The following SLC12A3 variants were observed in gnomAD, a reference collection of about 807,000 sequenced individuals.
SLC12A3 encodes Na-Cl cotransporter.
A neutral mutation model predicts 121.0 loss-of-function variants in SLC12A3; 104 were observed. That is an observed-to-expected ratio of 0.86 (90% CI 0.73 to 1.01). The LOEUF is 1.01. Ranked by LOEUF, SLC12A3 falls within the 50% of genes least tolerant of loss-of-function variation. The pLI is 0.00. For missense variants in SLC12A3, 1,328 were observed against 1,356.3 expected (o/e 0.98, Z 0.33); for synonymous variants, 536 against 533.4 (o/e 1.00, Z -0.07).
chr16:56,876,894 C>T (rs1210647285), intron 8 of SLC12A3, among the ~76,000 whole-genome samples: 2 of 152,194 alleles, frequency 1.3e-5, no homozygotes, highest in Non-Finnish European at 2.9e-5. Context: ...TGTTGCTGCA[C>T]CCAGGATCAG....
At chr16:56,912,988 G>A (rs146021717) in intron 25 of SLC12A3, among the ~76,000 whole-genome samples, 231 of 152,282 alleles carry the variant, frequency 1.5e-3, no homozygotes, top group East Asian at 0.012. Context: ...CATCGGGGGT[G>A]AGCAAGGCGA....
At chr16:56,867,435 C>T (rs1157378647) in intron 2 of SLC12A3, among the ~76,000 whole-genome samples, 2 of 152,158 alleles carry the variant, frequency 1.3e-5, no homozygotes, top group Non-Finnish European at 2.9e-5. Context: ...CAGGGGGCTG[C>T]ACTAAACACA....
intron 8 of SLC12A3, among the ~76,000 whole-genome samples, chr16:56,877,775 G>A (rs1378118897): frequency 3.9e-5 from 6 of 152,180 alleles, no homozygotes; most frequent in East Asian, 1.9e-4. Flanking sequence ...CCTCTGTGGC[G>A]CAGGCGTGGA....
In SLC12A3 at chr16:56,884,065, C is replaced by G; in HGVS notation, c.1686C>G (p.Phe562Leu). ...ITNSPGWRPS[F>L]QYYNKWAALF... ...TTGGCCCAGGGTGGAGACCTTCATTCCAATACTACAACAAGTGGGCGGCGC... is the reference window on the plus strand; with the variant it reads ...TTGGCCCAGGGTGGAGACCTTCATTGCAATACTACAACAAGTGGGCGGCGC... The change falls in exon 14 of 26, where the codon TTC (phenylalanine) becomes TTG (leucine). Residue 562 changes from phenylalanine to leucine, a missense_variant. By Grantham distance (22) the Phe-to-Leu change is conservative. Coordinates refer to ENST00000563236, the MANE Select transcript of SLC12A3 (RefSeq NM_001126108.2). 6.2e-7 allele frequency: 1 copy of G among 1,614,216 alleles called. No homozygotes were observed. Among genetic ancestry groups the G allele is most frequent in the East Asian group, 2.2e-5 (1 of 44,886 alleles).
intron 23 of SLC12A3, among the ~76,000 whole-genome samples, chr16:56,901,054 CCT>C (rs80015358): frequency 0.097 from 14,724 of 151,922 alleles, 888 homozygotes; most frequent in Middle Eastern, 0.17. Flanking sequence ...CCCACAGAGT[CCT>C]CTCTCTCTCT....
chr16:56,899,715 G>T (rs986054713), intron 23 of SLC12A3, 99 bp downstream of exon 23: 1 of 868,506 alleles, frequency 1.2e-6, no homozygotes, highest in East Asian at 2.4e-5. Flanking sequence ...CTAGGAGCAA[G>T]GGTCTCTCCT....
chr16:56,886,214 G>T, intron 15 of SLC12A3, 150 bp from the exon 16 acceptor site: 1 of 624,388 alleles, frequency 1.6e-6, no homozygotes, highest in South Asian at 1.9e-5. Context: ...AAGTCACCCT[G>T]GATTTATAGG....
intron 1 of SLC12A3, among the ~76,000 whole-genome samples, chr16:56,865,737 A>G (rs559351356): frequency 1.1e-4 from 17 of 152,310 alleles, no homozygotes; most frequent in Non-Finnish European, 2.2e-4. Context: ...CTAGAGTGGG[A>G]GGCCTAGAGA....
chr16:56,867,461 G>GT (rs1366321086), intron 2 of SLC12A3, among the ~76,000 whole-genome samples: 2 of 152,212 alleles, frequency 1.3e-5, no homozygotes, highest in African/African-American at 4.8e-5. Context: ...CCGTAAATGT[G>GT]TTTTTCTCCT....
rs34001750 is a variant in SLC12A3, at chr16:56,882,048, CA to C, written c.1568-333del. On this transcript the variant is annotated intron_variant, in intron 12 of 25. Coordinates refer to ENST00000563236, the MANE Select transcript of SLC12A3 (RefSeq NM_001126108.2). Reference sequence around the variant, plus strand: ...TGGGTGACAGAGCGAGAGTCCGTCTCAAAAAAAAAAAAAAAGAAAAGTATTT... The same window carrying C: ...TGGGTGACAGAGCGAGAGTCCGTCTCAAAAAAAAAAAAAAGAAAAGTATTT... 0.36 allele frequency among the ~76,000 whole-genome samples: 45,390 copies of C among 127,044 alleles called. 7,448 individuals are homozygous for C. Among genetic ancestry groups the C allele is most frequent in the East Asian group, 0.56 (2,520 of 4,468 alleles). 83.3% of individuals were successfully genotyped at this position (127,044 alleles called of 152,430 possible). A position where few individuals can be genotyped will look rare whatever the true frequency, so the allele number is the denominator to read the frequency against.
chr16:56,887,798 A>ATT (rs1211988197), intron 17 of SLC12A3, 127 bp from the exon 18 acceptor site: 872 of 68,534 alleles, frequency 0.013, 67 homozygotes, highest in Non-Finnish European at 0.019. Flanking sequence ...ATATATATAT[A>ATT]TTTTTTTTTT....
intron 18 of SLC12A3, among the ~76,000 whole-genome samples, chr16:56,888,312 A>G (rs2055345979): frequency 6.6e-6 from 1 of 152,160 alleles, no homozygotes; most frequent in Non-Finnish European, 1.5e-5. Flanking sequence ...TCTCAAAGCT[A>G]AAGAAGAAAC....
chr16:56,899,259 A>G lies in SLC12A3; in HGVS notation c.2634-271A>G, dbSNP rs140070072. 1.4e-4 allele frequency among the ~76,000 whole-genome samples: 20 copies of G among 144,212 alleles called. No individual in the cohort carries two copies. In the East Asian group the frequency reaches 3.5e-3, roughly 25 times the overall value. 94.6% of individuals were successfully genotyped at this position (144,212 alleles called of 152,430 possible). A position where few individuals can be genotyped will look rare whatever the true frequency, so the allele number is the denominator to read the frequency against. On this transcript the variant is annotated intron_variant, in intron 22 of 25. Transcript: ENST00000563236. ...GCTGGGCATGGTGGCTCCAGCCTAT[A>G]ATGCCAGCACTTTGGGAGGCCGAGG...
intron 21 of SLC12A3, among the ~76,000 whole-genome samples, chr16:56,893,881 G>A (rs887410427): frequency 4.6e-5 from 7 of 152,088 alleles, no homozygotes; most frequent in East Asian, 1.9e-4. Flanking sequence ...GGGTTCAAGC[G>A]ATTCTCCTGC....
In SLC12A3 at chr16:56,899,200, G is replaced by C. The variant is rs567674528; in HGVS notation, c.2634-330G>C. Among the ~76,000 whole-genome samples the C allele has an allele frequency of 2.0e-5, 3 of 152,300 alleles. No individual in the cohort carries two copies. In the East Asian group the frequency reaches 5.8e-4, roughly 29 times the overall value. ...GTCAGTAGGTGCTCAGTGAAAATTA[G>C]TTGAATGAATAAATACATTTTTAAA... On this transcript the variant is annotated intron_variant, in intron 22 of 25. Coordinates refer to ENST00000563236, the MANE Select transcript of SLC12A3 (RefSeq NM_001126108.2).
At chr16:56,897,886 C>T in intron 22 of SLC12A3, among the ~76,000 whole-genome samples, 1 of 152,204 alleles carries the variant, frequency 6.6e-6, no homozygotes, top group South Asian at 2.1e-4. Context: ...TACTGCACAC[C>T]AAGACAAATC....
At chr16:56,868,405 C>A in intron 3 of SLC12A3, 33 bp downstream of exon 3, 2 of 1,581,890 alleles carry the variant, frequency 1.3e-6, no homozygotes, top group Non-Finnish European at 1.7e-6. Context: ...GGAGGGAGGG[C>A]TTGCCTGAAT....
intron 1 of SLC12A3, 53 bp from the exon 2 acceptor site, chr16:56,867,017 G>GA: frequency 6.2e-7 from 1 of 1,600,718 alleles, no homozygotes; most frequent in Non-Finnish European, 8.5e-7. Flanking sequence ...TGGATGCAGA[G>GA]ACGCCGTCCC....
rs761423647 is a variant in SLC12A3 at position 56,892,091 on chromosome 16, G to A, written c.2377G>A (p.Val793Met). 36 of 1,613,394 alleles carry A rather than the reference G, an allele frequency of 2.2e-5. No individual in the cohort carries two copies. The highest frequency in any genetic ancestry group is 2.4e-5 in the Non-Finnish European group (28 of 1,179,502). ...SKMMQAHINP[V>M]FDPAEDGKEA... ...TGCCTCTTCTTTTGCAGTTAACCCC[G>A]TGTTTGACCCAGCGGAGGACGGGAA... is the stretch of plus-strand genomic sequence containing the variant. The change falls in exon 20 of 26, where the codon GTG becomes ATG. Residue 793 changes from valine (V) to methionine (M), a missense_variant. Transcript: ENST00000563236.
Sources: gnomAD v4.1 joint callset for allele counts (sites outside exome capture counted in the v4.1 genomes callset) on GRCh38, gnomAD v4.1.1 for gene constraint, MANE v1.5 for transcripts, NCBI Gene and HGNC (gene_info 2026-07-23, HGNC 2026-07-21) for gene names.